The following HPF1 variants were observed in gnomAD, a reference collection of about 807,000 sequenced individuals.
HPF1 encodes histone PARylation factor 1.
In HPF1, 35 loss-of-function variants were observed where a neutral mutation model predicts 38.8. That is an observed-to-expected ratio of 0.90 (90% CI 0.69 to 1.19). The LOEUF (loss-of-function observed/expected upper bound fraction) is 1.19. Among genes scored for constraint, HPF1 ranks in the 50% most tolerant of loss-of-function variants. The probability of loss-of-function intolerance (pLI) is 0.00; values close to 1 mark genes in which losing one functional copy is unlikely to be tolerated. For synonymous variants in HPF1, 115 were observed against 139.2 expected, an observed-to-expected ratio of 0.83 and a Z score of 1.22; for missense variants, 367 against 405.8, an observed-to-expected ratio of 0.90 and a Z score of 0.82.
intron 4 of HPF1, among the ~76,000 whole-genome samples, chr4:169,747,123 T>C (rs188208170): frequency 1.0e-4 from 15 of 150,590 alleles, no homozygotes; most frequent in African/African-American, 3.7e-4. Context: ...ATTTATAGAA[T>C]TAATATTTAT....
chr4:169,752,202 G>A (rs1734129127), intron 2 of HPF1, among the ~76,000 whole-genome samples: 1 of 117,198 alleles, frequency 8.5e-6, no homozygotes, highest in African/African-American at 3.3e-5. Flanking sequence ...ATGGAGTCTC[G>A]CTCTGTCACC....
At chr4:169,732,963 G>A (rs1178493723) in intron 6 of HPF1, among the ~76,000 whole-genome samples, 1 of 152,120 alleles carries the variant, frequency 6.6e-6, no homozygotes, top group Non-Finnish European at 1.5e-5. Context: ...TATCCTTCGA[G>A]GTCCTGATAC....
chr4:169,752,307 T>C (rs1479450344), intron 2 of HPF1, among the ~76,000 whole-genome samples: 1 of 151,670 alleles, frequency 6.6e-6, no homozygotes, highest in Non-Finnish European at 1.5e-5. Flanking sequence ...GTAGCTGAGA[T>C]TACAGGCACC....
intron 1 of HPF1, among the ~76,000 whole-genome samples, chr4:169,756,377 T>C (rs1734188516): frequency 6.6e-6 from 1 of 152,246 alleles, no homozygotes; most frequent in Admixed American, 6.5e-5. Context: ...TATAGAACAG[T>C]AGGAACATAT....
chr4:169,739,283 C>T (rs1216897747), intron 5 of HPF1, among the ~76,000 whole-genome samples: 2 of 151,850 alleles, frequency 1.3e-5, no homozygotes, highest in Non-Finnish European at 2.9e-5. Flanking sequence ...AATATATCTG[C>T]AAAATGTAAT....
At chr4:169,736,988 G>A (rs1317060466) in intron 6 of HPF1, among the ~76,000 whole-genome samples, 2 of 152,120 alleles carry the variant, frequency 1.3e-5, no homozygotes, top group Non-Finnish European at 1.5e-5. Flanking sequence ...TTTATAGGCA[G>A]ATGAAAAAAT....
intron 2 of HPF1, among the ~76,000 whole-genome samples, chr4:169,753,294 A>T (rs1171161518): frequency 6.6e-6 from 1 of 151,350 alleles, no homozygotes; most frequent in Non-Finnish European, 1.5e-5. Context: ...TCAGCCTCCC[A>T]AAGTGCTGGG....
At chr4:169,745,026 G>A (rs566672832) in intron 4 of HPF1, among the ~76,000 whole-genome samples, 1 of 152,158 alleles carries the variant, frequency 6.6e-6, no homozygotes, top group Non-Finnish European at 1.5e-5. Context: ...ATGAAGGACA[G>A]GCACAACCAT....
chr4:169,756,225 C>T (rs1734186859), intron 1 of HPF1, among the ~76,000 whole-genome samples: 1 of 152,210 alleles, frequency 6.6e-6, no homozygotes, highest in African/African-American at 2.4e-5. Flanking sequence ...CCATTAACCT[C>T]ATCGTACAGC....
Position 169,741,962 on chromosome 4 carries a change from T to C in HPF1, c.643A>G (p.Lys215Glu). 6.2e-7 allele frequency: 1 copy of C among 1,611,590 alleles called. No homozygotes were observed. Among genetic ancestry groups the C allele is most frequent in the Non-Finnish European group, 8.5e-7 (1 of 1,179,234 alleles). The part of the protein sequence containing the change: ...QRTVKMKQRD[K>E]KVVTKTFHGA... ...CCAACAGGTTGAAATCATACTTTCT[T>C]ATCTCTCTGTTTCATCTTCACGGTT... The change falls in exon 5 of 8, where the codon AAG (lysine) becomes GAG (glutamate). Residue 215 changes from lysine (K) to glutamate (E), a missense_variant. By Grantham distance (56) the Lys-to-Glu change is moderately conservative. Transcript: ENST00000393381.
rs552541427 is a variant in HPF1 at position 169,757,841 on chromosome 4, C to T, written c.37G>A (p.Glu13Lys). Residue 13 changes from glutamate to lysine, a missense_variant, in exon 1 of 8, where the codon GAG (glutamate) becomes AAG (lysine). Transcript: ENST00000393381. ...GGGGKRRPGGEGPQCEKTTDV... is the reference protein window; with the variant it reads ...GGGGKRRPGGKGPQCEKTTDV... ...CTTTCCGGCAGTACCTGCGGCCCCT[C>T]TCCGCCGGGCCTGCGCTTCCCGCCA... The T allele has an allele frequency of 7.0e-6, 11 of 1,565,600 alleles. No individual in the cohort carries two copies. In the African/African-American group the frequency reaches 1.4e-4, roughly 19 times the overall value.
At position 169,731,789 on chromosome 4, in the gene HPF1, A is replaced by G; in HGVS notation, c.824T>C (p.Met275Thr). ...ATCATTAGCAAACTGCACAAAAGTC[A>G]TCATTTCCTGAATGGGAGCAAAAGC... Reference protein sequence around the residue: ...LKAFAPIQEMMTFVQFANDEC... With the variant: ...LKAFAPIQEMTTFVQFANDEC... Residue 275 changes from methionine to threonine, a missense_variant, in exon 7 of 8, where the codon ATG (methionine) becomes ACG (threonine). By Grantham distance (81) the Met-to-Thr change is moderately conservative. Coordinates refer to ENST00000393381, the MANE Select transcript of HPF1 (RefSeq NM_017867.3). The G allele has an allele frequency of 1.2e-6, 2 of 1,607,396 alleles. No homozygotes were observed. The highest frequency in any genetic ancestry group is 1.7e-6 in the Non-Finnish European group (2 of 1,178,202).
At chr4:169,756,568 T>A (rs1393801601) in intron 1 of HPF1, among the ~76,000 whole-genome samples, 1 of 152,238 alleles carries the variant, frequency 6.6e-6, no homozygotes, top group Non-Finnish European at 1.5e-5. Context: ...TTAGGCAAGT[T>A]ACTTAACCTC....
chr4:169,744,951 ACT>A, intron 4 of HPF1, among the ~76,000 whole-genome samples: 1 of 127,724 alleles, frequency 7.8e-6, no homozygotes, highest in Non-Finnish European at 1.7e-5. Flanking sequence ...TATAGTACTG[ACT>A]GTACAATAAG....
intron 4 of HPF1, among the ~76,000 whole-genome samples, chr4:169,747,343 A>G (rs1455426430): frequency 6.6e-6 from 1 of 152,152 alleles, no homozygotes; most frequent in Non-Finnish European, 1.5e-5. Flanking sequence ...TAGAAAAGAA[A>G]GAACATTTTT....
At chr4:169,746,935 A>G (rs1408906580) in intron 4 of HPF1, among the ~76,000 whole-genome samples, 11 of 150,774 alleles carry the variant, frequency 7.3e-5, no homozygotes, top group Non-Finnish European at 1.6e-4. Context: ...AAAAAAAAAA[A>G]AGATACCAGA....
intron 4 of HPF1, among the ~76,000 whole-genome samples, chr4:169,745,044 G>T (rs6553454): frequency 0.11 from 16,544 of 152,102 alleles, 2,408 homozygotes; most frequent in African/African-American, 0.33. Context: ...CATGGCTGCG[G>T]GATGACCCCA....
chr4:169,742,129 G>A (rs369023038), intron 4 of HPF1, 22 bp from the exon 5 acceptor site: 188 of 1,602,518 alleles, frequency 1.2e-4, no homozygotes, highest in Admixed American at 3.2e-4. Context: ...GTAAAAGTCC[G>A]CATTATGTGG....
chr4:169,736,482 G>A (rs150936761), intron 6 of HPF1, among the ~76,000 whole-genome samples: 1 of 152,246 alleles, frequency 6.6e-6, no homozygotes, highest in Admixed American at 6.5e-5. Context: ...CTTCCCTATG[G>A]CACTCCTCTA....
Sources: gnomAD v4.1 joint callset for allele counts (sites outside exome capture counted in the v4.1 genomes callset) on GRCh38, gnomAD v4.1.1 for gene constraint, MANE v1.5 for transcripts, NCBI Gene and HGNC (gene_info 2026-07-23, HGNC 2026-07-21) for gene names.